CCND2: variants seen among roughly 807,000 people sequenced by gnomAD.
CCND2 encodes cyclin D2, also known as G1/S-specific cyclin-D2.
In CCND2, 6 loss-of-function variants were observed where a neutral mutation model predicts 30.2. The observed-to-expected ratio is 0.20, with a 90% CI of 0.11 to 0.39. CCND2 has a LOEUF of 0.39. Among genes scored for constraint, CCND2 ranks in the 10% least tolerant of loss-of-function variants. CCND2 has a pLI of 1.00. For synonymous variants in CCND2, 150 were observed against 153.1 expected, an observed-to-expected ratio of 0.98 and a Z score of 0.15; for missense variants, 235 against 373.4, an observed-to-expected ratio of 0.63 and a Z score of 3.06.
chr12:4,288,907 G>A lies in CCND2; in HGVS notation c.637G>A (p.Gly213Arg). Residue 213 changes from glycine (G) to arginine (R), a missense_variant, in exon 4 of 5, where the codon GGG becomes AGG. Around this residue, in one of 2 missense-constraint regions of CCND2, gnomAD observed 178 missense variants for 322.8 expected, o/e 0.55. Transcript: ENST00000261254. ...ATGSVGAAIC[G>R]LQQDEEVSSL... ...TGGAAGTGTGGGAGCAGCCATCTGT[G>A]GGCTCCAGCAGGATGAGGAAGTGAG... 1 of 1,613,784 alleles carries A rather than the reference G, an allele frequency of 6.2e-7. No homozygotes were observed. Among genetic ancestry groups the A allele is most frequent in the Non-Finnish European group, 8.5e-7 (1 of 1,179,898 alleles).
chr12:4,292,168 C>T (rs1363302921), intron 4 of CCND2, among the ~76,000 whole-genome samples: 1 of 151,932 alleles, frequency 6.6e-6, no homozygotes, highest in East Asian at 1.9e-4. Flanking sequence ...CACACACATA[C>T]ATAAATGGAT....
intron 3 of CCND2, among the ~76,000 whole-genome samples, chr12:4,279,302 G>A (rs1447088758): frequency 2.0e-5 from 3 of 152,158 alleles, no homozygotes; most frequent in South Asian, 4.1e-4. Flanking sequence ...AGGAAATCTC[G>A]AGGGGGATGG....
At position 4,300,241 on chromosome 12, in the gene CCND2, T is replaced by C. The variant is rs1434894081; in HGVS notation, c.*232T>C. ...ACAGCATAAGGGAATCCCTTGTATA[T>C]GCGAACAGTTATTGTTTGATTATGT... On this transcript the variant is annotated 3_prime_UTR_variant, in exon 5 of 5. Coordinates refer to ENST00000261254, the MANE Select transcript of CCND2 (RefSeq NM_001759.4). The C allele has an allele frequency of 4.4e-6, 2 of 454,756 alleles. No homozygotes were observed. The highest frequency in any genetic ancestry group is 7.9e-6 in the Non-Finnish European group (2 of 254,434). The allele number at this position is 454,756 out of a possible 1,614,324, so 28.2% of individuals were successfully genotyped here. A position where few individuals can be genotyped will look rare whatever the true frequency, so the allele number is the denominator to read the frequency against.
intron 3 of CCND2, among the ~76,000 whole-genome samples, chr12:4,284,266 G>A (rs908125082): frequency 5.3e-5 from 8 of 152,346 alleles, no homozygotes; most frequent in Middle Eastern, 3.4e-3. Flanking sequence ...GCACTACAAC[G>A]TGGGTATTGC....
Position 4,305,134 on chromosome 12 carries a change from G to A in CCND2, c.*5125G>A, listed in dbSNP as rs1003584083. 4.3e-6 allele frequency: 1 copy of A among 233,504 alleles called. No individual in the cohort carries two copies. The highest frequency in any genetic ancestry group is 1.3e-3 in the Middle Eastern group (1 of 786). The allele number at this position is 233,504 out of a possible 1,614,324, so 14.5% of individuals were successfully genotyped here. On this transcript the variant is annotated 3_prime_UTR_variant, in exon 5 of 5. Coordinates refer to ENST00000261254, the MANE Select transcript of CCND2 (RefSeq NM_001759.4). This position sits in a 1 kb window ranked among gnomAD's most constrained non-coding sequence, Gnocchi z 6.4. ...AGTGCTGATAAGTAGCATGATCAGTGTATGCGAAAAGGTTTTTAGGAAGTA... is the reference window on the plus strand; with the variant it reads ...AGTGCTGATAAGTAGCATGATCAGTATATGCGAAAAGGTTTTTAGGAAGTA...
At chr12:4,275,773 C>G (rs554583827) in intron 1 of CCND2, among the ~76,000 whole-genome samples, 1 of 152,102 alleles carries the variant, frequency 6.6e-6, no homozygotes, top group Admixed American at 6.5e-5. Context: ...GTAGTTCACC[C>G]CCTTTTATAG....
intron 4 of CCND2, among the ~76,000 whole-genome samples, chr12:4,291,299 C>T (rs963605366): frequency 1.1e-4 from 16 of 150,876 alleles, no homozygotes; most frequent in Admixed American, 4.7e-4. Context: ...GAAAAGCTGA[C>T]GCTCAGAGGG....
chr12:4,278,702 C>A, intron 2 of CCND2, 58 bp from the exon 3 acceptor site: 1 of 1,583,916 alleles, frequency 6.3e-7, no homozygotes, highest in Non-Finnish European at 8.6e-7. Flanking sequence ...CAGCCCCCTA[C>A]ACCAGGTCAG....
In CCND2 at chr12:4,300,625, A is replaced by G; in HGVS notation, c.*616A>G. On this transcript the variant is annotated 3_prime_UTR_variant, in exon 5 of 5. Transcript: ENST00000261254. ...ACATTAATGTCCTCTTGCTGTCTAC[A>G]GTAGCTGCTACCTAAAAAAAGATGT... 2 of 233,796 alleles carry G rather than the reference A, an allele frequency of 8.6e-6. No homozygotes were observed. Among genetic ancestry groups the G allele is most frequent in the Non-Finnish European group, 1.7e-5 (2 of 118,094 alleles). The allele number at this position is 233,796 out of a possible 1,614,324, so 14.5% of individuals were successfully genotyped here.
At chr12:4,288,473 T>C (rs1402223651) in intron 3 of CCND2, among the ~76,000 whole-genome samples, 1 of 152,090 alleles carries the variant, frequency 6.6e-6, no homozygotes, top group Non-Finnish European at 1.5e-5. Flanking sequence ...CCATCACCTC[T>C]AGAGGAGACT....
intron 3 of CCND2, among the ~76,000 whole-genome samples, chr12:4,281,964 C>T (rs1457783200): frequency 2.4e-4 from 11 of 46,328 alleles, no homozygotes; most frequent in Admixed American, 6.9e-4. Context: ...GTGGGTTGGG[C>T]GGGGGATCTT....
In CCND2 at chr12:4,298,403, ATTT is replaced by A. The variant is rs1864203763; in HGVS notation, c.721-1455_721-1453del. ...TTCCTTAGTGGTTAGTTCCAGCTTT[ATTT>A]TGTTTATTTATATGTTTGTTTTTAA... On this transcript the variant is annotated intron_variant, in intron 4 of 4. Coordinates refer to ENST00000261254, the MANE Select transcript of CCND2 (RefSeq NM_001759.4). Among the ~76,000 whole-genome samples, 5 of 152,202 alleles carry A rather than the reference ATTT, an allele frequency of 3.3e-5. No homozygotes were observed. The South Asian group carries it at 1.0e-3, about 32-fold the overall frequency.
rs61755286 is a variant in CCND2, at chr12:4,288,880, A to G, written c.610A>G (p.Thr204Ala). 1.9e-6 allele frequency: 3 copies of G among 1,613,744 alleles called. No individual in the cohort carries two copies. The highest frequency in any genetic ancestry group is 2.5e-6 in the Non-Finnish European group (3 of 1,179,864). Reference protein sequence around the residue: ...FAMYPPSMIATGSVGAAICGL... With the variant: ...FAMYPPSMIAAGSVGAAICGL... ...CATGTACCCACCGTCGATGATCGCA[A>G]CTGGAAGTGTGGGAGCAGCCATCTG... Residue 204 changes from threonine to alanine, a missense_variant, in exon 4 of 5, where the codon ACT becomes GCT. By Grantham distance (58) the Thr-to-Ala change is moderately conservative. Around this residue, in one of 2 missense-constraint regions of CCND2, gnomAD observed 178 missense variants for 322.8 expected, o/e 0.55. Transcript: ENST00000261254.
In CCND2 at chr12:4,274,308, A is replaced by C; in HGVS notation, c.195+73A>C. ...CTCGGGTCCCCGGCCGGAGCCCTAA[A>C]CCTGGGAGAGGGCAATCCCCGCGCC... On this transcript the variant is annotated intron_variant, in intron 1 of 4. Coordinates refer to ENST00000261254, the MANE Select transcript of CCND2 (RefSeq NM_001759.4). This position sits in a 1 kb window ranked among gnomAD's most constrained non-coding sequence, Gnocchi z 7.7. 3 of 1,518,340 alleles carry C rather than the reference A, an allele frequency of 2.0e-6. No individual in the cohort carries two copies. The highest frequency in any genetic ancestry group is 1.8e-5 in the Admixed American group (1 of 56,860). The allele number at this position is 1,518,340 out of a possible 1,614,324, so 94.1% of individuals were successfully genotyped here.
rs1591652656 is a variant in CCND2, at chr12:4,302,868, G to A, written c.*2859G>A. 4.3e-6 allele frequency: 1 copy of A among 233,320 alleles called. No homozygotes were observed. The highest frequency in any genetic ancestry group is 8.5e-6 in the Non-Finnish European group (1 of 118,122). The allele number at this position is 233,320 out of a possible 1,614,324, so 14.5% of individuals were successfully genotyped here. A position where few individuals can be genotyped will look rare whatever the true frequency, so the allele number is the denominator to read the frequency against. ...GATTTCTGGTGGGACAATGGGTGGT[G>A]AATTCTGAAGTTTTGGAGAGGGAAG... On this transcript the variant is annotated 3_prime_UTR_variant, in exon 5 of 5. Coordinates refer to ENST00000261254, the MANE Select transcript of CCND2 (RefSeq NM_001759.4).
At position 4,282,688 on chromosome 12, in the gene CCND2, G is replaced by A. The variant is rs1863965951; in HGVS notation, c.571+3769G>A. Among the ~76,000 whole-genome samples the A allele has an allele frequency of 6.6e-6, 1 of 152,194 alleles. No homozygotes were observed. The highest frequency in any genetic ancestry group is 1.5e-5 in the Non-Finnish European group (1 of 68,032). On this transcript the variant is annotated intron_variant, in intron 3 of 4. Transcript: ENST00000261254. The surrounding 1 kb of genome is among the most constrained non-coding windows in gnomAD (Gnocchi z 4.3). ...GTGCTTGCCATCGCTCTTCCCTCTG[G>A]CTGTAAGATGAATGGGTAGCAGGCT...
rs1864238569 is a variant in CCND2 at position 4,300,870 on chromosome 12, G to C, written c.*861G>C. The C allele has an allele frequency of 4.3e-6, 1 of 233,576 alleles. No individual in the cohort carries two copies. Among genetic ancestry groups the C allele is most frequent in the African/African-American group, 2.2e-5 (1 of 45,340 alleles). The allele number at this position is 233,576 out of a possible 1,614,324, so 14.5% of individuals were successfully genotyped here. A position where few individuals can be genotyped will look rare whatever the true frequency, so the allele number is the denominator to read the frequency against. ...GTCTTTTCTGTTATTGTATTTAAAAGGGTAATGTGGCCTTGGCATTTCTTC... is the reference window on the plus strand; with the variant it reads ...GTCTTTTCTGTTATTGTATTTAAAACGGTAATGTGGCCTTGGCATTTCTTC... On this transcript the variant is annotated 3_prime_UTR_variant, in exon 5 of 5. Transcript: ENST00000261254.
Position 4,285,935 on chromosome 12 carries a change from C to T in CCND2, c.572-2907C>T, listed in dbSNP as rs1864017063. Among the ~76,000 whole-genome samples the T allele has an allele frequency of 6.6e-6, 1 of 152,116 alleles. No homozygotes were observed. The highest frequency in any genetic ancestry group is 1.5e-5 in the Non-Finnish European group (1 of 68,022). On this transcript the variant is annotated intron_variant, in intron 3 of 4. Coordinates refer to ENST00000261254, the MANE Select transcript of CCND2 (RefSeq NM_001759.4). The surrounding 1 kb of genome is among the most constrained non-coding windows in gnomAD (Gnocchi z 4.1). Reference sequence around the variant, plus strand: ...TTGTGAATTTGCCGGCTGGTAGACACCGTGATCCATTCTATTGTCTCCTCA... The same window carrying T: ...TTGTGAATTTGCCGGCTGGTAGACATCGTGATCCATTCTATTGTCTCCTCA...
At chr12:4,295,275 G>A (rs1864152687) in intron 4 of CCND2, among the ~76,000 whole-genome samples, 1 of 152,224 alleles carries the variant, frequency 6.6e-6, no homozygotes, top group South Asian at 2.1e-4. Flanking sequence ...AGGGATTTGT[G>A]TAGTCGAAAG....
Sources: gnomAD v4.1 joint callset for allele counts (sites outside exome capture counted in the v4.1 genomes callset) on GRCh38, gnomAD v4.1.1 for gene constraint, gnomAD v4.1.1 regional missense constraint, Gnocchi (gnomAD v3.1) non-coding constraint, MANE v1.5 for transcripts, NCBI Gene and HGNC (gene_info 2026-07-23, HGNC 2026-07-21) for gene names.